Variants in SLCO2A1 observed in about 807,000 individuals in gnomAD.
The protein encoded by SLCO2A1 is solute carrier organic anion transporter family member 2A1.
SLCO2A1 carries 60 observed loss-of-function variants against 71.7 expected under a neutral mutation model. The ratio of observed to expected loss-of-function variants is 0.84; its 90% CI spans 0.68 to 1.04. The LOEUF (loss-of-function observed/expected upper bound fraction) is 1.04. Among genes scored for constraint, SLCO2A1 ranks in the 50% least tolerant of loss-of-function variants. SLCO2A1 has a pLI of 0.00. For synonymous variants in SLCO2A1, 308 were observed against 326.7 expected, an observed-to-expected ratio of 0.94 and a Z score of 0.62; for missense variants, 745 against 813.4, an observed-to-expected ratio of 0.92 and a Z score of 1.02.
At chr3:133,983,531 G>A (rs1467518486) in intron 1 of SLCO2A1, among the ~76,000 whole-genome samples, 1 of 152,238 alleles carries the variant, frequency 6.6e-6, no homozygotes, top group African/African-American at 2.4e-5. Flanking sequence ...TGCAGCACCT[G>A]CTGCCACCTT....
At chr3:133,937,161 G>A (rs1933289691) in intron 12 of SLCO2A1, among the ~76,000 whole-genome samples, 1 of 152,174 alleles carries the variant, frequency 6.6e-6, no homozygotes, top group African/African-American at 2.4e-5. Context: ...AAGCAGGAAA[G>A]GGCTCTTTAG....
chr3:133,949,676 G>C (rs1391158057), intron 6 of SLCO2A1, among the ~76,000 whole-genome samples: 1 of 152,152 alleles, frequency 6.6e-6, no homozygotes, highest in African/African-American at 2.4e-5. Context: ...CTCCCTGCTG[G>C]ACCTGTGCCC....
chr3:133,999,706 G>A (rs1239375282), intron 1 of SLCO2A1, among the ~76,000 whole-genome samples: 1 of 151,784 alleles, frequency 6.6e-6, no homozygotes, highest in Admixed American at 6.5e-5. Flanking sequence ...AAGTGGGTAG[G>A]AAAAAAGGGG....
At chr3:133,968,738 T>G (rs1934251748) in intron 3 of SLCO2A1, among the ~76,000 whole-genome samples, 1 of 152,176 alleles carries the variant, frequency 6.6e-6, no homozygotes, top group Non-Finnish European at 1.5e-5. Context: ...CCTTCTCTTA[T>G]CTCCTGGGAG....
At chr3:133,957,660 C>T (rs62269155) in intron 3 of SLCO2A1, among the ~76,000 whole-genome samples, 21,574 of 152,144 alleles carry the variant, frequency 0.14, 1,647 homozygotes, top group Non-Finnish European at 0.16. Flanking sequence ...TGGGACCTTA[C>T]ACCTACTTCC....
chr3:134,020,287 T>A (rs1935545001), intron 1 of SLCO2A1, among the ~76,000 whole-genome samples: 1 of 152,146 alleles, frequency 6.6e-6, no homozygotes, highest in African/African-American at 2.4e-5. Context: ...ACCCCTTCCT[T>A]CTTCAACTCG....
intron 3 of SLCO2A1, among the ~76,000 whole-genome samples, chr3:133,970,400 C>A (rs968462313): frequency 6.6e-6 from 1 of 152,214 alleles, no homozygotes; most frequent in African/African-American, 2.4e-5. Context: ...TTCACACCCC[C>A]ACTCAGAGTG....
intron 1 of SLCO2A1, among the ~76,000 whole-genome samples, chr3:134,016,963 T>C (rs1935467147): frequency 6.6e-6 from 1 of 152,238 alleles, no homozygotes; most frequent in African/African-American, 2.4e-5. Flanking sequence ...ATTCCATTTA[T>C]ATAACATTGT....
intron 3 of SLCO2A1, among the ~76,000 whole-genome samples, chr3:133,969,548 G>A (rs1395796276): frequency 6.6e-6 from 1 of 150,970 alleles, no homozygotes; most frequent in African/African-American, 2.5e-5. Context: ...CATAATGCCC[G>A]GCTAACTTTT....
intron 1 of SLCO2A1, among the ~76,000 whole-genome samples, chr3:133,994,040 G>A (rs1200500317): frequency 6.6e-6 from 1 of 152,126 alleles, no homozygotes; most frequent in Admixed American, 6.5e-5. Context: ...GGACCCTGCA[G>A]TCCAAGAAGG....
At chr3:133,978,874 T>A (rs1202996586) in intron 2 of SLCO2A1, among the ~76,000 whole-genome samples, 3 of 152,188 alleles carry the variant, frequency 2.0e-5, no homozygotes, top group South Asian at 4.1e-4. Flanking sequence ...GCCCATCTTG[T>A]CTTCCTCTAA....
intron 10 of SLCO2A1, 112 bp downstream of exon 10, chr3:133,944,983 G>GTA: frequency 8.0e-7 from 1 of 1,244,240 alleles, no homozygotes; most frequent in Non-Finnish European, 1.1e-6. Context: ...GGTAATGAGT[G>GTA]TGTGTGTGGA....
intron 3 of SLCO2A1, 176 bp from the exon 4 acceptor site, chr3:133,955,369 AG>A: frequency 3.4e-6 from 2 of 593,652 alleles, no homozygotes; most frequent in Non-Finnish European, 6.0e-6. Context: ...GGCCAGCAGG[AG>A]GGACTCTAGA....
intron 3 of SLCO2A1, among the ~76,000 whole-genome samples, chr3:133,972,636 A>AG (rs1172469962): frequency 5.3e-5 from 8 of 152,238 alleles, no homozygotes; most frequent in African/African-American, 1.9e-4. Flanking sequence ...ATAGAACTAG[A>AG]GAAAAAACAG....
intron 1 of SLCO2A1, among the ~76,000 whole-genome samples, chr3:133,994,894 G>A (rs906263167): frequency 6.6e-6 from 1 of 152,126 alleles, no homozygotes; most frequent in African/African-American, 2.4e-5. Flanking sequence ...CCAGGTCCCA[G>A]TCAGCTCTCA....
intron 1 of SLCO2A1, among the ~76,000 whole-genome samples, chr3:134,005,354 C>A (rs1576456106): frequency 1.3e-5 from 2 of 152,050 alleles, no homozygotes; most frequent in East Asian, 3.9e-4. Context: ...GATTTTCAAT[C>A]TTTCTGTGTC....
chr3:133,953,626 C>G, intron 5 of SLCO2A1, 37 bp downstream of exon 5: 2 of 1,543,164 alleles, frequency 1.3e-6, no homozygotes, highest in Non-Finnish European at 1.8e-6. Context: ...CTTTATTGAG[C>G]TGGGGATGGG....
chr3:133,997,576 A>G (rs748954537), intron 1 of SLCO2A1, among the ~76,000 whole-genome samples: 19 of 152,234 alleles, frequency 1.2e-4, no homozygotes, highest in Non-Finnish European at 2.2e-4. Context: ...GAACACCACA[A>G]GTTTCCAACA....
intron 1 of SLCO2A1, among the ~76,000 whole-genome samples, chr3:134,007,237 AT>A (rs1275418082): frequency 6.6e-6 from 1 of 152,204 alleles, no homozygotes; most frequent in Admixed American, 6.5e-5. Flanking sequence ...CAGATATATG[AT>A]TTGCAGACAT....
Sources: gnomAD v4.1 joint callset for allele counts (sites outside exome capture counted in the v4.1 genomes callset) on GRCh38, gnomAD v4.1.1 for gene constraint, MANE v1.5 for transcripts, NCBI Gene and HGNC (gene_info 2026-07-23, HGNC 2026-07-21) for gene names.